Variants in EBF3 observed in about 807,000 individuals in gnomAD.
EBF3 encodes the protein transcription factor COE3.
A neutral mutation model predicts 77.1 loss-of-function variants in EBF3; 18 were observed. The ratio of observed to expected loss-of-function variants is 0.23; its 90% confidence interval spans 0.16 to 0.35. The LOEUF (loss-of-function observed/expected upper bound fraction) is 0.35. Ranked by LOEUF, EBF3 falls within the 10% of genes least tolerant of loss-of-function variation. The probability of loss-of-function intolerance (pLI) is 1.00; values close to 1 mark genes in which losing one functional copy is unlikely to be tolerated. For missense variants in EBF3, 558 were observed against 860.0 expected (o/e 0.65, Z 4.39); for synonymous variants, 350 against 343.5 (o/e 1.02, Z -0.21).
At chr10:129,908,248 G>A (rs1173818372) in intron 6 of EBF3, among the ~76,000 whole-genome samples, 1 of 152,126 alleles carries the variant, frequency 6.6e-6, no homozygotes, top group Admixed American at 6.5e-5. Flanking sequence ...CCAAGAAATA[G>A]CGGGAGGATT....
chr10:129,915,978 G>A (rs1182754351), intron 6 of EBF3, among the ~76,000 whole-genome samples: 1 of 152,134 alleles, frequency 6.6e-6, no homozygotes, highest in African/African-American at 2.4e-5. Context: ...TTTCTCTGCA[G>A]AATAAGGAAA....
chr10:129,958,784 G>C (rs1859241379), intron 5 of EBF3, 150 bp downstream of exon 5: 3 of 1,052,006 alleles, frequency 2.9e-6, no homozygotes, highest in Non-Finnish European at 3.9e-6. Flanking sequence ...GCTCCTCCGC[G>C]GCCCGGCGCG....
Position 129,836,347 on chromosome 10 carries a change from G to T in EBF3, c.*1596C>A, listed in dbSNP as rs557238025. ...CCAGTAAACACAGTTCAGCTATGTGGCAAAGTCAATGGGTGGCATCTAAAA... is the reference window on the plus strand; with the variant it reads ...CCAGTAAACACAGTTCAGCTATGTGTCAAAGTCAATGGGTGGCATCTAAAA... On this transcript the variant is annotated 3_prime_UTR_variant, in exon 17 of 17. Transcript: ENST00000440978. 1 of 152,360 alleles carries T rather than the reference G, an allele frequency of 6.6e-6. No individual in the cohort carries two copies. The highest frequency in any genetic ancestry group is 2.4e-5 in the African/African-American group (1 of 41,358). The allele number at this position is 152,360 out of a possible 1,614,324, so 9.4% of individuals were successfully genotyped here.
chr10:129,923,615 C>T (rs893675205), intron 6 of EBF3, among the ~76,000 whole-genome samples: 1 of 152,144 alleles, frequency 6.6e-6, no homozygotes, highest in African/African-American at 2.4e-5. Flanking sequence ...GACCCTTACA[C>T]ATATATAACA....
intron 6 of EBF3, among the ~76,000 whole-genome samples, chr10:129,955,508 A>G (rs534654258): frequency 8.3e-4 from 126 of 152,380 alleles, no homozygotes; most frequent in African/African-American, 3.0e-3. Flanking sequence ...ATCTTAGCAC[A>G]TATTTTAATT....
At chr10:129,955,553 A>G (rs1858974379) in intron 6 of EBF3, among the ~76,000 whole-genome samples, 1 of 152,272 alleles carries the variant, frequency 6.6e-6, no homozygotes, top group Admixed American at 6.5e-5. Context: ...ACGAGAATTA[A>G]GGAATATATT....
intron 6 of EBF3, among the ~76,000 whole-genome samples, chr10:129,917,679 A>AAC (rs1564887155): frequency 7.0e-6 from 1 of 141,982 alleles, no homozygotes; most frequent in Non-Finnish European, 1.5e-5. Flanking sequence ...AAAAAAAAAA[A>AAC]CTAAAACCAA....
In EBF3 at chr10:129,932,061, A is replaced by C. The variant is rs145942263; in HGVS notation, c.554+25197T>G. On this transcript the variant is annotated intron_variant, in intron 6 of 16. Transcript: ENST00000440978. ...AGAGGGCTTGGTCCGCTCTCTCCTT[A>C]TCTCTCCCAGAGGAGCAGAGGTGAG... Among the ~76,000 whole-genome samples, 645 of 152,190 alleles carry C rather than the reference A, an allele frequency of 4.2e-3. 5 individuals carry two copies. The highest frequency in any genetic ancestry group is 0.021 in the South Asian group (103 of 4,822).
In EBF3 at chr10:129,957,810, T is replaced by C. The variant is rs536077557; in HGVS notation, c.486-484A>G. Reference sequence around the variant, plus strand: ...GCATCCATCTATCACAAACTTCTATTGTTCCTTCTTTAAGCCTACCTTAAC... The same window carrying C: ...GCATCCATCTATCACAAACTTCTATCGTTCCTTCTTTAAGCCTACCTTAAC... On this transcript the variant is annotated intron_variant, in intron 5 of 16. Transcript: ENST00000440978. Among the ~76,000 whole-genome samples the C allele has an allele frequency of 2.0e-5, 3 of 152,364 alleles. No individual in the cohort carries two copies. In the East Asian group the frequency reaches 5.8e-4, roughly 29 times the overall value.
intron 8 of EBF3, among the ~76,000 whole-genome samples, chr10:129,871,387 C>A (rs1852397076): frequency 6.6e-6 from 1 of 152,198 alleles, no homozygotes; most frequent in Admixed American, 6.5e-5. Flanking sequence ...ACATCCACAG[C>A]AGCAGCAGGG....
At chr10:129,840,099 C>A (rs72837144) in intron 15 of EBF3, 146 bp downstream of exon 15, 9 of 1,038,976 alleles carry the variant, frequency 8.7e-6, no homozygotes, top group Non-Finnish European at 1.2e-5. Flanking sequence ...GAACACCAGG[C>A]AGAGGTGGCA....
In EBF3 at chr10:129,867,774, G is replaced by A. The variant is rs200203951; in HGVS notation, c.912+8C>T. 4.0e-5 allele frequency: 65 copies of A among 1,613,140 alleles called. No individual in the cohort carries two copies. The highest frequency in any genetic ancestry group is 1.7e-4 in the Middle Eastern group (1 of 6,060). Reference sequence around the variant, plus strand: ...ACAGCGCGAAGCTGACCGAGTCCGCGGGCTTACCTCGCTCCACACCAACAT... The same window carrying A: ...ACAGCGCGAAGCTGACCGAGTCCGCAGGCTTACCTCGCTCCACACCAACAT... On this transcript the variant is annotated splice_region_variant and intron_variant, in intron 9 of 16. Transcript: ENST00000440978.
chr10:129,962,278 G>T lies in EBF3; in HGVS notation c.356-52C>A, dbSNP rs753194142. Reference sequence around the variant, plus strand: ...ATCAGGATTTGAGTGCTGCACCTCGGGGAGGGCACACGGAGCACAGGAAGT... The same window carrying T: ...ATCAGGATTTGAGTGCTGCACCTCGTGGAGGGCACACGGAGCACAGGAAGT... On this transcript the variant is annotated intron_variant, in intron 3 of 16. Transcript: ENST00000440978. The T allele has an allele frequency of 1.9e-6, 3 of 1,580,290 alleles. No individual in the cohort carries two copies. The South Asian group carries it at 3.3e-5, about 18-fold the overall frequency.
chr10:129,895,289 A>G (rs2134214314), intron 6 of EBF3, among the ~76,000 whole-genome samples: 1 of 152,288 alleles, frequency 6.6e-6, no homozygotes, highest in Middle Eastern at 3.4e-3. Context: ...CCCTCTGCGA[A>G]GTGGATGGAT....
rs957136597 is a variant in EBF3 at position 129,840,911 on chromosome 10, C to T, written c.1494G>A (p.Met498Ile). 2 of 1,614,150 alleles carry T rather than the reference C, an allele frequency of 1.2e-6. No individual in the cohort carries two copies. The highest frequency in any genetic ancestry group is 1.7e-6 in the Non-Finnish European group (2 of 1,180,030). Residue 498 changes from methionine (M) to isoleucine (I), a missense_variant, in exon 14 of 17, where the codon ATG (methionine) becomes ATA (isoleucine). By Grantham distance (10) the Met-to-Ile change is conservative (BLOSUM62 1). Coordinates refer to ENST00000440978, the MANE Select transcript of EBF3 (RefSeq NM_001375380.1). ...GCGAGCCAGGGACCCCTAGACTGGC[C>T]ATGGCGCCACTTCCATATCCATTCA... ...TSMNGYGSGA[M>I]ASLGVPGSPG...
rs372538384 is a variant in EBF3, at chr10:129,842,072, C to T, written c.1372+44G>A. ...TTCAGCTAAGGCCTCAACCAACCCTCGGAGGGCGTTCAGGGCAGGGGTCCT... is the reference window on the plus strand; with the variant it reads ...TTCAGCTAAGGCCTCAACCAACCCTTGGAGGGCGTTCAGGGCAGGGGTCCT... On this transcript the variant is annotated intron_variant, in intron 13 of 16. Transcript: ENST00000440978. The surrounding 1 kb of genome is among the most constrained non-coding windows in gnomAD (Gnocchi z 4.4). 6.8e-6 allele frequency: 11 copies of T among 1,612,710 alleles called. No individual in the cohort carries two copies. The highest frequency in any genetic ancestry group is 3.3e-5 in the Admixed American group (2 of 59,914).
In EBF3 at chr10:129,963,653, G is replaced by T; in HGVS notation, c.116C>A (p.Ala39Asp). The change falls in exon 1 of 17, where the codon GCC becomes GAC. Residue 39 changes from alanine to aspartate, a missense_variant. This residue lies in a region of EBF3 where 84 missense variants were observed against 142.3 expected (regional missense o/e 0.59). Transcript: ENST00000440978. The surrounding 1 kb of genome is among the most constrained non-coding windows in gnomAD (Gnocchi z 7.1). ...SWMHTAGVVDANTAAQSGVGL... is the reference protein window; with the variant it reads ...SWMHTAGVVDDNTAAQSGVGL... ...TACGTACCTCTGGGCGGCCGTGTTGGCGTCCACCACGCCCGCCGTGTGCAT... is the reference window on the plus strand; with the variant it reads ...TACGTACCTCTGGGCGGCCGTGTTGTCGTCCACCACGCCCGCCGTGTGCAT... The T allele has an allele frequency of 1.3e-6, 2 of 1,490,000 alleles. No individual in the cohort carries two copies. The highest frequency in any genetic ancestry group is 1.8e-6 in the Non-Finnish European group (2 of 1,110,444). The allele number at this position is 1,490,000 out of a possible 1,614,324, so 92.3% of individuals were successfully genotyped here.
intron 6 of EBF3, among the ~76,000 whole-genome samples, chr10:129,950,480 A>G (rs1858593205): frequency 6.6e-6 from 1 of 152,222 alleles, no homozygotes; most frequent in Admixed American, 6.5e-5. Context: ...AGTGCTCTCT[A>G]TCGAATTGTT....
intron 10 of EBF3, among the ~76,000 whole-genome samples, chr10:129,856,533 G>C (rs79900198): frequency 0.097 from 14,699 of 152,088 alleles, 1,024 homozygotes; most frequent in African/African-American, 0.17. Flanking sequence ...ACAAGCAGAT[G>C]GATAGGGAAA....
Sources: allele counts gnomAD v4.1 joint callset (sites outside exome capture counted in the v4.1 genomes callset), GRCh38; gene constraint gnomAD v4.1.1; regional missense constraint gnomAD v4.1.1; non-coding constraint Gnocchi (gnomAD v3.1); transcripts MANE v1.5; gene names NCBI Gene and HGNC (gene_info 2026-07-23, HGNC 2026-07-21).